Variants in ROBO1 observed in about 807,000 individuals in gnomAD.
ROBO1 encodes the protein roundabout guidance receptor 1.
In ROBO1, 149 loss-of-function variants were observed where a neutral mutation model predicts 195.9. The ratio of observed to expected loss-of-function variants is 0.76; its 90% confidence interval spans 0.67 to 0.87. The LOEUF (loss-of-function observed/expected upper bound fraction) is 0.87. ROBO1 is among the 40% of genes least tolerant of loss of function. The pLI is 0.00. For synonymous variants in ROBO1, 816 were observed against 733.2 expected (o/e 1.11, Z -1.82); for missense variants, 1,933 against 2,068.3 (o/e 0.93, Z 1.27).
chr3:79,464,810 C>A (rs1937864904), intron 2 of ROBO1, among the ~76,000 whole-genome samples: 1 of 152,056 alleles, frequency 6.6e-6, no homozygotes, highest in Non-Finnish European at 1.5e-5. Context: ...ATGATCAATA[C>A]TCTCTGTGAA....
At chr3:78,744,651 T>C (rs2082613273) in intron 5 of ROBO1, among the ~76,000 whole-genome samples, 1 of 152,228 alleles carries the variant, frequency 6.6e-6, no homozygotes, top group Admixed American at 6.5e-5. Context: ...TAATATTTTA[T>C]CTGCCTAGAA....
intron 10 of ROBO1, among the ~76,000 whole-genome samples, chr3:78,677,653 G>A (rs1708521050): frequency 6.6e-6 from 1 of 151,692 alleles, no homozygotes; most frequent in Non-Finnish European, 1.5e-5. Context: ...ACCCAATACA[G>A]GAGCACCCAG....
chr3:79,243,007 T>C (rs2082550572), intron 2 of ROBO1, among the ~76,000 whole-genome samples: 2 of 89,072 alleles, frequency 2.2e-5, no homozygotes, highest in South Asian at 4.4e-4. Context: ...CAACATGCCC[T>C]GGTGTGTGAT....
chr3:79,128,201 C>G (rs746873896), intron 2 of ROBO1, among the ~76,000 whole-genome samples: 1 of 152,120 alleles, frequency 6.6e-6, no homozygotes, highest in African/African-American at 2.4e-5. Context: ...AAAGGAGGTC[C>G]TATATTCCAG....
chr3:79,189,528 A>G (rs1305288011), intron 2 of ROBO1, among the ~76,000 whole-genome samples: 2 of 151,692 alleles, frequency 1.3e-5, no homozygotes, highest in Non-Finnish European at 3.0e-5. Context: ...TAGCTATAAA[A>G]TGCTAGCATT....
At chr3:79,610,842 G>A (rs1220336689) in intron 1 of ROBO1, among the ~76,000 whole-genome samples, 1 of 152,038 alleles carries the variant, frequency 6.6e-6, no homozygotes, top group African/African-American at 2.4e-5. Context: ...CAACGGAATT[G>A]TAACACAGGT....
chr3:79,766,150 T>A (rs1479890527), intron 1 of ROBO1, among the ~76,000 whole-genome samples: 1 of 151,916 alleles, frequency 6.6e-6, no homozygotes, highest in East Asian at 1.9e-4. Context: ...TCTGCCCCCT[T>A]TAGTGCCGCA....
At chr3:78,932,231 G>C (rs577708862) in intron 4 of ROBO1, among the ~76,000 whole-genome samples, 1 of 152,264 alleles carries the variant, frequency 6.6e-6, no homozygotes, top group East Asian at 1.9e-4. Flanking sequence ...CATTTTATTA[G>C]TTTTTAAAGA....
intron 2 of ROBO1, among the ~76,000 whole-genome samples, chr3:79,315,450 G>A (rs2033689629): frequency 1.3e-5 from 2 of 152,142 alleles, no homozygotes; most frequent in South Asian, 4.1e-4. Flanking sequence ...GTGGAGTAGT[G>A]AAAATATTCA....
intron 2 of ROBO1, among the ~76,000 whole-genome samples, chr3:79,547,099 G>A (rs1942295003): frequency 1.3e-5 from 2 of 149,228 alleles, no homozygotes; most frequent in Admixed American, 6.7e-5. Flanking sequence ...GCAGGAGAAT[G>A]GCGTGAACCC....
At chr3:79,478,933 AAT>A (rs1474096323) in intron 2 of ROBO1, among the ~76,000 whole-genome samples, 1 of 152,204 alleles carries the variant, frequency 6.6e-6, no homozygotes, top group Non-Finnish European at 1.5e-5. Context: ...ATAAACTACA[AAT>A]AAAAAACAAC....
At chr3:79,363,394 T>G (rs1278983594) in intron 2 of ROBO1, among the ~76,000 whole-genome samples, 1 of 152,220 alleles carries the variant, frequency 6.6e-6, no homozygotes, top group Non-Finnish European at 1.5e-5. Flanking sequence ...TATCATTTTA[T>G]CCATATAGGT....
chr3:78,803,327 C>G (rs1331656658), intron 4 of ROBO1, among the ~76,000 whole-genome samples: 1 of 152,134 alleles, frequency 6.6e-6, no homozygotes, highest in Non-Finnish European at 1.5e-5. Flanking sequence ...AACTTTCTTC[C>G]TTTTCCTCCT....
At chr3:79,368,936 C>T (rs2036080477) in intron 2 of ROBO1, among the ~76,000 whole-genome samples, 3 of 152,214 alleles carry the variant, frequency 2.0e-5, no homozygotes, top group African/African-American at 7.2e-5. Context: ...GTAACACCTG[C>T]TCATTAGTGC....
At chr3:79,653,456 T>C (rs1444910667) in intron 1 of ROBO1, among the ~76,000 whole-genome samples, 1 of 151,966 alleles carries the variant, frequency 6.6e-6, no homozygotes, top group African/African-American at 2.4e-5. Flanking sequence ...TAATTTGTAT[T>C]TTATGTCAGG....
chr3:78,830,169 G>A (rs2108734578), intron 4 of ROBO1, among the ~76,000 whole-genome samples: 1 of 152,220 alleles, frequency 6.6e-6, no homozygotes, highest in African/African-American at 2.4e-5. Flanking sequence ...CTTTCTATGT[G>A]TCTCTTCTGC....
At chr3:79,354,715 G>C (rs2035475933) in intron 2 of ROBO1, among the ~76,000 whole-genome samples, 1 of 152,104 alleles carries the variant, frequency 6.6e-6, no homozygotes, top group Non-Finnish European at 1.5e-5. Context: ...CAATCTACAA[G>C]TCATATACTC....
chr3:79,407,700 T>C (rs2037602192), intron 2 of ROBO1, among the ~76,000 whole-genome samples: 1 of 152,108 alleles, frequency 6.6e-6, no homozygotes, highest in African/African-American at 2.4e-5. Flanking sequence ...AAGATAGAAG[T>C]ATTAATGATT....
chr3:78,693,105 G>C (rs2081211424), intron 8 of ROBO1: 1 of 443,884 alleles, frequency 2.3e-6, no homozygotes, highest in African/African-American at 2.0e-5. Context: ...AAAGGATGCA[G>C]ATCACACATC....
Sources: allele counts gnomAD v4.1 joint callset (sites outside exome capture counted in the v4.1 genomes callset), GRCh38; gene constraint gnomAD v4.1.1; transcripts MANE v1.5; gene names NCBI Gene and HGNC (gene_info 2026-07-23, HGNC 2026-07-21).